GPC6: variants seen among roughly 807,000 people sequenced by gnomAD.
GPC6 encodes the protein glypican-6.
In GPC6, 14 loss-of-function variants were observed where a neutral mutation model predicts 55.2. That is an observed-to-expected ratio of 0.25 (90% CI 0.17 to 0.40). The LOEUF (loss-of-function observed/expected upper bound fraction) is 0.40. Ranked by LOEUF, GPC6 falls within the 10% of genes least tolerant of loss-of-function variation. The pLI, the probability that GPC6 is intolerant of heterozygous loss-of-function variation, is 1.00. For missense variants in GPC6, 641 were observed against 708.5 expected, an observed-to-expected ratio of 0.90 and a Z score of 1.08; for synonymous variants, 278 against 259.6, an observed-to-expected ratio of 1.07 and a Z score of -0.68.
chr13:94,156,519 C>T (rs1887949368), intron 4 of GPC6, among the ~76,000 whole-genome samples: 1 of 152,222 alleles, frequency 6.6e-6, no homozygotes, highest in Non-Finnish European at 1.5e-5. Flanking sequence ...GCAGTGTCTA[C>T]CCAACCACAC....
intron 1 of GPC6, among the ~76,000 whole-genome samples, chr13:93,346,657 GT>G (rs1283836895): frequency 6.6e-6 from 1 of 152,074 alleles, no homozygotes; most frequent in African/African-American, 2.4e-5. Context: ...ATGAACCTAT[GT>G]TTTACTGGAT....
chr13:94,247,726 T>C (rs182359996), intron 4 of GPC6, among the ~76,000 whole-genome samples: 1 of 152,286 alleles, frequency 6.6e-6, no homozygotes, highest in Non-Finnish European at 1.5e-5. Flanking sequence ...TATAATCATT[T>C]TGATGTGCTG....
At chr13:93,722,296 G>GT (rs1883481640) in intron 2 of GPC6, among the ~76,000 whole-genome samples, 1 of 151,498 alleles carries the variant, frequency 6.6e-6, no homozygotes, top group Non-Finnish European at 1.5e-5. Context: ...TCATTCACCG[G>GT]TATTTATTAA....
chr13:93,708,624 C>A (rs1594389218), intron 2 of GPC6, among the ~76,000 whole-genome samples: 1 of 151,772 alleles, frequency 6.6e-6, no homozygotes, highest in East Asian at 2.0e-4. Flanking sequence ...ATGTGAATTT[C>A]TTTTCTCAAG....
chr13:93,832,122 A>AAATAT (rs1555334870), intron 3 of GPC6, among the ~76,000 whole-genome samples: 1 of 12,052 alleles, frequency 8.3e-5, no homozygotes, highest in Non-Finnish European at 1.2e-4. Flanking sequence ...AAAAAAAAAA[A>AAATAT]ATATATATAT....
chr13:94,042,964 G>A (rs748774700), intron 4 of GPC6, among the ~76,000 whole-genome samples: 2 of 151,626 alleles, frequency 1.3e-5, no homozygotes, highest in Non-Finnish European at 2.9e-5. Flanking sequence ...ATGGTCATTC[G>A]TTATATTCTA....
intron 1 of GPC6, among the ~76,000 whole-genome samples, chr13:93,356,793 G>A (rs1880864416): frequency 6.6e-6 from 1 of 152,282 alleles, no homozygotes; most frequent in Middle Eastern, 3.4e-3. Context: ...GAGCCTTTCA[G>A]CTGAGAAATG....
intron 1 of GPC6, among the ~76,000 whole-genome samples, chr13:93,396,542 C>T (rs1027464394): frequency 2.0e-5 from 3 of 151,244 alleles, no homozygotes; most frequent in Non-Finnish European, 4.4e-5. Flanking sequence ...TACTCCAGCC[C>T]GGGCAACAGA....
intron 4 of GPC6, among the ~76,000 whole-genome samples, chr13:94,071,958 A>G (rs1884749964): frequency 6.6e-6 from 1 of 152,250 alleles, no homozygotes; most frequent in African/African-American, 2.4e-5. Context: ...ACTTTTTGCC[A>G]TAATTACACA....
intron 1 of GPC6, among the ~76,000 whole-genome samples, chr13:93,447,770 G>A (rs992776268): frequency 6.6e-6 from 1 of 151,920 alleles, no homozygotes; most frequent in Non-Finnish European, 1.5e-5. Context: ...AATTTTCATC[G>A]AGTTGCCTTG....
intron 4 of GPC6, among the ~76,000 whole-genome samples, chr13:94,074,469 C>A (rs1465041260): frequency 6.6e-6 from 1 of 152,174 alleles, no homozygotes; most frequent in Non-Finnish European, 1.5e-5. Context: ...CTAAGAAATT[C>A]CTCCCCTTCA....
At chr13:93,678,252 A>G (rs982478120) in intron 2 of GPC6, among the ~76,000 whole-genome samples, 2 of 152,156 alleles carry the variant, frequency 1.3e-5, no homozygotes, top group African/African-American at 4.8e-5. Flanking sequence ...ATACCAGTAC[A>G]AGGAAAGCCT....
At chr13:93,887,998 C>T (rs1266362945) in intron 3 of GPC6, among the ~76,000 whole-genome samples, 3 of 152,126 alleles carry the variant, frequency 2.0e-5, no homozygotes, top group Non-Finnish European at 4.4e-5. Flanking sequence ...GCATAAGTCA[C>T]ATGACCTGTG....
chr13:94,004,404 A>G lies in GPC6; in HGVS notation c.712-23325A>G, dbSNP rs1243143319. On this transcript the variant is annotated intron_variant, in intron 3 of 8. Transcript: ENST00000377047. ...CTGTGATGTGACCGAGCCAGGCACC[A>G]CTCCAGTGCAACCCCTCCATCCCAG... Among the ~76,000 whole-genome samples, 4 of 151,980 alleles carry G rather than the reference A, an allele frequency of 2.6e-5. No individual in the cohort carries two copies. In the South Asian group the frequency reaches 6.2e-4, roughly 24 times the overall value.
intron 2 of GPC6, among the ~76,000 whole-genome samples, chr13:93,577,014 A>C (rs1263251935): frequency 6.6e-6 from 1 of 152,152 alleles, no homozygotes; most frequent in Non-Finnish European, 1.5e-5. Flanking sequence ...TTTTGGTGCC[A>C]GGCACAATGG....
chr13:93,568,322 A>G (rs990925593), intron 2 of GPC6, among the ~76,000 whole-genome samples: 13 of 152,064 alleles, frequency 8.5e-5, no homozygotes, highest in African/African-American at 2.9e-4. Context: ...TCTCTTTTTA[A>G]TTGTTATGTT....
At chr13:93,929,741 TA>T (rs925994979) in intron 3 of GPC6, among the ~76,000 whole-genome samples, 100 of 146,060 alleles carry the variant, frequency 6.8e-4, no homozygotes, top group African/African-American at 2.3e-3. Flanking sequence ...TTAAACAAAG[TA>T]AAAAAAAACA....
At chr13:94,275,631 TGAAGA>T (rs1023479328) in intron 4 of GPC6, among the ~76,000 whole-genome samples, 5 of 151,620 alleles carry the variant, frequency 3.3e-5, no homozygotes, top group African/African-American at 1.2e-4. Flanking sequence ...CCACCATGAA[TGAAGA>T]GAAAAGATAA....
chr13:94,223,666 C>T (rs148205696), intron 4 of GPC6, among the ~76,000 whole-genome samples: 103 of 152,230 alleles, frequency 6.8e-4, no homozygotes, highest in African/African-American at 2.3e-3. Context: ...ATCCTCCACG[C>T]ACTACAACAC....
Sources: allele counts gnomAD v4.1 joint callset (sites outside exome capture counted in the v4.1 genomes callset), GRCh38; gene constraint gnomAD v4.1.1; transcripts MANE v1.5; gene names NCBI Gene and HGNC (gene_info 2026-07-23, HGNC 2026-07-21).